The following RAP1GDS1 variants were observed in gnomAD, a reference collection of about 807,000 sequenced individuals.
The protein encoded by RAP1GDS1 is Rap1 GTPase-GDP dissociation stimulator 1, also known as RAP1, GTP-GDP dissociation stimulator 1.
A neutral mutation model predicts 71.1 loss-of-function variants in RAP1GDS1; 35 were observed. The ratio of observed to expected loss-of-function variants is 0.49; its 90% confidence interval spans 0.38 to 0.65. The LOEUF (loss-of-function observed/expected upper bound fraction) is 0.65, where lower values mean the gene tolerates loss of function less well. RAP1GDS1 is among the 30% of genes least tolerant of loss of function. The pLI is 0.00. For missense variants in RAP1GDS1, 663 were observed against 706.1 expected (o/e 0.94, Z 0.69); for synonymous variants, 229 against 243.1 (o/e 0.94, Z 0.54).
chr4:98,369,883 A>G (rs556274317), intron 4 of RAP1GDS1, among the ~76,000 whole-genome samples: 1 of 152,306 alleles, frequency 6.6e-6, no homozygotes, highest in South Asian at 2.1e-4. Context: ...AGGGAATCCA[A>G]TTAGAATCTA....
intron 3 of RAP1GDS1, 146 bp from the exon 4 acceptor site, chr4:98,352,330 A>G: frequency 1.3e-6 from 1 of 799,266 alleles, no homozygotes; most frequent in Non-Finnish European, 1.9e-6. Context: ...TTTGTACAGA[A>G]ATGTACTCTT....
chr4:98,389,136 A>G (rs148939615), intron 5 of RAP1GDS1, among the ~76,000 whole-genome samples: 13 of 152,328 alleles, frequency 8.5e-5, no homozygotes, highest in African/African-American at 3.1e-4. Flanking sequence ...AAATGTCAAC[A>G]CAGTGGCAAG....
At chr4:98,379,730 C>T (rs1348622409) in intron 5 of RAP1GDS1, among the ~76,000 whole-genome samples, 2 of 151,764 alleles carry the variant, frequency 1.3e-5, no homozygotes, top group African/African-American at 2.4e-5. Flanking sequence ...TTTCAGATAG[C>T]CTATATGGTT....
chr4:98,417,423 C>A lies in RAP1GDS1; in HGVS notation c.964C>A (p.Leu322Ile). 6.2e-7 allele frequency: 1 copy of A among 1,613,198 alleles called. No homozygotes were observed. The highest frequency in any genetic ancestry group is 8.5e-7 in the Non-Finnish European group (1 of 1,179,296). Residue 322 changes from leucine (L) to isoleucine (I), a missense_variant, in exon 9 of 15, where the codon CTC becomes ATC. By Grantham distance (5) the Leu-to-Ile change is conservative. Coordinates refer to ENST00000408927, the MANE Select transcript of RAP1GDS1 (RefSeq NM_001100427.2). ...AAAAGGTAGTGTATTTCAAAGGGTA[C>A]TCTCTTGGATCCCATCAAATAACCA... Reference protein sequence around the residue: ...GGKGSVFQRVLSWIPSNNHQL... With the variant: ...GGKGSVFQRVISWIPSNNHQL...
chr4:98,392,622 G>A (rs1394413755), intron 6 of RAP1GDS1, among the ~76,000 whole-genome samples: 1 of 152,130 alleles, frequency 6.6e-6, no homozygotes, highest in Non-Finnish European at 1.5e-5. Flanking sequence ...GATCACTTGA[G>A]CCCAGGAGGC....
At chr4:98,380,367 T>A (rs755587631) in intron 5 of RAP1GDS1, among the ~76,000 whole-genome samples, 1 of 151,860 alleles carries the variant, frequency 6.6e-6, no homozygotes, top group African/African-American at 2.4e-5. Flanking sequence ...ATATTTTTAA[T>A]ACTATAGAAG....
At chr4:98,309,595 A>T (rs893034700) in intron 2 of RAP1GDS1, among the ~76,000 whole-genome samples, 10 of 152,006 alleles carry the variant, frequency 6.6e-5, no homozygotes, top group African/African-American at 1.9e-4. Context: ...TAGCCAAGAA[A>T]TGGAAATGAT....
chr4:98,431,161 A>T (rs1750346337), intron 12 of RAP1GDS1, among the ~76,000 whole-genome samples: 1 of 152,204 alleles, frequency 6.6e-6, no homozygotes, highest in Non-Finnish European at 1.5e-5. Context: ...CAGGCTAAAA[A>T]CTTGTTTAAA....
intron 2 of RAP1GDS1, among the ~76,000 whole-genome samples, chr4:98,339,927 G>C (rs1338105202): frequency 3.3e-5 from 5 of 151,556 alleles, no homozygotes; most frequent in Non-Finnish European, 7.4e-5. Flanking sequence ...ACTTAAAATA[G>C]AACTACCATT....
chr4:98,359,835 G>A (rs1220417671), intron 4 of RAP1GDS1, among the ~76,000 whole-genome samples: 1 of 152,162 alleles, frequency 6.6e-6, no homozygotes, highest in Non-Finnish European at 1.5e-5. Flanking sequence ...AGCCATTACA[G>A]GAGGCCGGGT....
intron 2 of RAP1GDS1, among the ~76,000 whole-genome samples, chr4:98,329,937 T>C (rs570170223): frequency 3.9e-4 from 60 of 152,260 alleles, no homozygotes; most frequent in African/African-American, 1.4e-3. Flanking sequence ...TTTAAATTTT[T>C]TTAGTATTTA....
chr4:98,349,364 C>T (rs1201746294), intron 3 of RAP1GDS1, among the ~76,000 whole-genome samples: 1 of 152,158 alleles, frequency 6.6e-6, no homozygotes, highest in African/African-American at 2.4e-5. Context: ...GTTTTGGTTA[C>T]TGTAGCCTTG....
chr4:98,335,287 A>G (rs1224381682), intron 2 of RAP1GDS1, among the ~76,000 whole-genome samples: 2 of 152,144 alleles, frequency 1.3e-5, no homozygotes, highest in Admixed American at 1.3e-4. Context: ...AAGGATCAAT[A>G]ATAAGAGTGA....
rs147785998 is a variant in RAP1GDS1, at chr4:98,314,599, ACT to A, written c.112+21087_112+21088del. 7.7e-3 allele frequency among the ~76,000 whole-genome samples: 1,179 copies of A among 152,196 alleles called. 16 individuals carry two copies. Among genetic ancestry groups the A allele is most frequent in the African/African-American group, 0.027 (1,127 of 41,520 alleles). On this transcript the variant is annotated intron_variant, in intron 2 of 14. Transcript: ENST00000408927. ...AGCCTCTTTCATTTATTCTGTTATA[ACT>A]CTGTAAGAGGAGGGATGCAGTTCTA...
intron 2 of RAP1GDS1, among the ~76,000 whole-genome samples, chr4:98,298,722 T>C (rs1352230663): frequency 6.6e-6 from 1 of 152,174 alleles, no homozygotes; most frequent in Non-Finnish European, 1.5e-5. Context: ...TTTGTGCCTG[T>C]TAACACAACA....
intron 2 of RAP1GDS1, among the ~76,000 whole-genome samples, chr4:98,331,373 GGAGAGA>G (rs1041342710): frequency 6.0e-5 from 9 of 151,200 alleles, no homozygotes; most frequent in African/African-American, 2.2e-4. Context: ...AGAGGGAGAG[GGAGAGA>G]GAGAGGGAGA....
At chr4:98,295,869 C>T (rs1198294779) in intron 2 of RAP1GDS1, among the ~76,000 whole-genome samples, 2 of 151,908 alleles carry the variant, frequency 1.3e-5, no homozygotes, top group African/African-American at 2.4e-5. Context: ...TTTATAAAGT[C>T]AGCATATGCC....
intron 12 of RAP1GDS1, among the ~76,000 whole-genome samples, chr4:98,429,704 G>A (rs1750127633): frequency 5.3e-5 from 8 of 152,160 alleles, no homozygotes; most frequent in Admixed American, 5.2e-4. Context: ...CTACGAATTT[G>A]TGTTGGGCCA....
chr4:98,416,808 A>C lies in RAP1GDS1; in HGVS notation c.827A>C (p.Gln276Pro). The change falls in exon 8 of 15, where the codon CAA becomes CCA. Residue 276 changes from glutamine to proline, a missense_variant. Transcript: ENST00000408927. ...LVECLLEIVQ[Q>P]KVDSDKEDDI... ...GAGTGTCTACTAGAGATTGTTCAGC[A>C]AAAAGTGGATAGTGACAAAGAAGAT... 6.2e-7 allele frequency: 1 copy of C among 1,613,526 alleles called. No homozygotes were observed. Among genetic ancestry groups the C allele is most frequent in the Non-Finnish European group, 8.5e-7 (1 of 1,179,470 alleles).
Sources: allele counts gnomAD v4.1 joint callset (sites outside exome capture counted in the v4.1 genomes callset), GRCh38; gene constraint gnomAD v4.1.1; transcripts MANE v1.5; gene names NCBI Gene and HGNC (gene_info 2026-07-23, HGNC 2026-07-21).